The following RBM26 variants were observed in gnomAD, a reference collection of about 807,000 sequenced individuals.
RBM26 encodes the protein RNA binding motif protein 26.
In RBM26, 30 loss-of-function variants were observed where a neutral mutation model predicts 123.6. The ratio of observed to expected loss-of-function variants is 0.24; its 90% confidence interval spans 0.18 to 0.33. The LOEUF is 0.33. Among genes scored for constraint, RBM26 ranks in the 10% least tolerant of loss-of-function variants. The pLI is 1.00. For synonymous variants in RBM26, 400 were observed against 404.4 expected (o/e 0.99, Z 0.13); for missense variants, 947 against 1,203.6 (o/e 0.79, Z 3.15).
chr13:79,375,101 T>TATCATATATATAA (rs1555332838), intron 3 of RBM26, among the ~76,000 whole-genome samples: 4 of 137,752 alleles, frequency 2.9e-5, no homozygotes, highest in African/African-American at 1.1e-4. Context: ...TATATTTATA[T>TATCATATATATAA]ATATCATATA....
At position 79,372,901 on chromosome 13, in the gene RBM26, CTT is replaced by C. The variant is rs1417958942; in HGVS notation, c.328-973_328-972del. Among the ~76,000 whole-genome samples, 5 of 57,848 alleles carry C rather than the reference CTT, an allele frequency of 8.6e-5. No individual in the cohort carries two copies. In the East Asian group the frequency reaches 1.7e-3, roughly 20 times the overall value. 38.0% of individuals were successfully genotyped at this position (57,848 alleles called of 152,430 possible). On this transcript the variant is annotated intron_variant, in intron 3 of 21. Coordinates refer to ENST00000438737, the MANE Select transcript of RBM26 (RefSeq NM_001366735.2). The stretch of plus-strand genomic sequence containing the variant: ...ATTTTATATGCTATATAAAATATAT[CTT>C]ATATATTACATATTTTATATAATAT...
chr13:79,324,616 T>G (rs907743125), intron 20 of RBM26, among the ~76,000 whole-genome samples: 15 of 151,890 alleles, frequency 9.9e-5, no homozygotes, highest in African/African-American at 3.6e-4. Context: ...CATCAACAAG[T>G]TTTAAATTTT....
Position 79,322,799 on chromosome 13 carries a change from G to A in RBM26, c.2821-337C>T, listed in dbSNP as rs566311379. On this transcript the variant is annotated intron_variant, in intron 20 of 21. Transcript: ENST00000438737. ...ACATGTTTATAACACAATGACAACT[G>A]CTGTTTAAGATGACAATCCCAAGGT... 7.9e-4 allele frequency among the ~76,000 whole-genome samples: 120 copies of A among 151,464 alleles called. 2 individuals are homozygous for A. Among genetic ancestry groups the A allele is most frequent in the African/African-American group, 2.8e-3 (117 of 41,460 alleles).
intron 1 of RBM26, among the ~76,000 whole-genome samples, chr13:79,384,694 A>G (rs1264201156): frequency 6.6e-6 from 1 of 152,200 alleles, no homozygotes; most frequent in Non-Finnish European, 1.5e-5. Context: ...TACACACACT[A>G]AAGTTACAGA....
intron 1 of RBM26, among the ~76,000 whole-genome samples, chr13:79,394,445 C>T (rs1362793409): frequency 6.6e-6 from 1 of 152,086 alleles, no homozygotes; most frequent in African/African-American, 2.4e-5. Context: ...ATAAACGTTG[C>T]CCTCTGGAAT....
Position 79,366,634 on chromosome 13 carries a change from T to C in RBM26, c.1134A>G (p.Thr378=). The C allele has an allele frequency of 1.3e-6, 2 of 1,543,000 alleles. No homozygotes were observed. The highest frequency in any genetic ancestry group is 1.2e-5 in the South Asian group (1 of 80,008). Residue 378 remains threonine, a splice_region_variant and synonymous_variant, in exon 7 of 22, where the codon ACA becomes ACG. Coordinates refer to ENST00000438737, the MANE Select transcript of RBM26 (RefSeq NM_001366735.2). ...GPLPPSLPPV[T]GPPPPLPPLQ... Reference sequence around the variant, plus strand: ...AGGGAAACAAACAGATTTACTTACCTGTAACAGGTGGGAGACTGGGTGGCA... The same window carrying C: ...AGGGAAACAAACAGATTTACTTACCCGTAACAGGTGGGAGACTGGGTGGCA...
intron 6 of RBM26, among the ~76,000 whole-genome samples, chr13:79,367,570 T>C (rs115134283): frequency 0.02 from 2,973 of 151,952 alleles, 77 homozygotes; most frequent in African/African-American, 0.066. Context: ...GTTCGCCCTC[T>C]ATTAGTTCAC....
chr13:79,375,309 A>C (rs1337028664), intron 3 of RBM26, among the ~76,000 whole-genome samples: 1 of 150,880 alleles, frequency 6.6e-6, no homozygotes, highest in Non-Finnish European at 1.5e-5. Context: ...AGTAACTGGG[A>C]TTACAGGCAC....
chr13:79,393,115 T>TACTAG (rs2078244843), intron 1 of RBM26, among the ~76,000 whole-genome samples: 1 of 152,224 alleles, frequency 6.6e-6, no homozygotes, highest in Non-Finnish European at 1.5e-5. Context: ...ACCAAGGAAC[T>TACTAG]ACTAGCTTCC....
chr13:79,390,911 T>A (rs545697490), intron 1 of RBM26, among the ~76,000 whole-genome samples: 33 of 152,234 alleles, frequency 2.2e-4, no homozygotes, highest in Admixed American at 1.4e-3. Context: ...GTAAAAGATA[T>A]AGATCAATAT....
intron 9 of RBM26, among the ~76,000 whole-genome samples, chr13:79,360,343 T>C (rs2074530370): frequency 6.6e-6 from 1 of 152,078 alleles, no homozygotes; most frequent in Non-Finnish European, 1.5e-5. Flanking sequence ...TAAGGGTTTT[T>C]TCAAACTTAT....
intron 3 of RBM26, among the ~76,000 whole-genome samples, chr13:79,375,105 T>TATAAATATATATTTATATATAG (rs1491239133): frequency 7.8e-6 from 1 of 128,228 alleles, no homozygotes; most frequent in Non-Finnish European, 1.6e-5. Flanking sequence ...TTTATATATA[T>TATAAATATATATTTATATATAG]CATATAAATA....
At chr13:79,360,503 A>ATG (rs2074548689) in intron 9 of RBM26, among the ~76,000 whole-genome samples, 1 of 152,086 alleles carries the variant, frequency 6.6e-6, no homozygotes, top group South Asian at 2.1e-4. Flanking sequence ...ATATATATAT[A>ATG]TATCAATGCA....
intron 1 of RBM26, among the ~76,000 whole-genome samples, chr13:79,400,851 C>T (rs1293397464): frequency 5.9e-5 from 9 of 151,880 alleles, no homozygotes; most frequent in African/African-American, 1.9e-4. Flanking sequence ...TATATTACAA[C>T]GAAGAAATTC....
chr13:79,404,010 CA>C (rs2079286742), intron 1 of RBM26, among the ~76,000 whole-genome samples: 3 of 152,170 alleles, frequency 2.0e-5, no homozygotes, highest in African/African-American at 7.2e-5. Flanking sequence ...CCTACCTACA[CA>C]CTTTTTCTAT....
chr13:79,320,228 T>C lies in RBM26; in HGVS notation c.*393A>G. The C allele has an allele frequency of 2.1e-6, 2 of 961,418 alleles. No individual in the cohort carries two copies. Among genetic ancestry groups the C allele is most frequent in the Non-Finnish European group, 2.5e-6 (2 of 807,038 alleles). The allele number at this position is 961,418 out of a possible 1,614,324, so 59.6% of individuals were successfully genotyped here. The stretch of plus-strand genomic sequence containing the variant: ...GTTATCTATTCAGTTTTGAAAACAT[T>C]CATTAAGATTTTAAATGCAAATTCA... On this transcript the variant is annotated 3_prime_UTR_variant, in exon 22 of 22. Transcript: ENST00000438737.
At position 79,400,450 on chromosome 13, in the gene RBM26, T is replaced by C. The variant is rs147315700; in HGVS notation, c.71+5254A>G. 2.8e-3 allele frequency among the ~76,000 whole-genome samples: 432 copies of C among 152,298 alleles called. 4 individuals carry two copies. Among genetic ancestry groups the C allele is most frequent in the African/African-American group, 0.01 (416 of 41,542 alleles). ...GGCAGAGGCAAAACCTAACCTTTTA[T>C]AAAGGCATTAATCCAATCAACAAAG... On this transcript the variant is annotated intron_variant, in intron 1 of 21. Transcript: ENST00000438737.
intron 17 of RBM26, 34 bp from the exon 18 acceptor site, chr13:79,341,261 TA>T: frequency 7.5e-7 from 1 of 1,334,492 alleles, no homozygotes; most frequent in Middle Eastern, 1.8e-4. Context: ...TAGGTGACAG[TA>T]ATTACTATCC....
At chr13:79,373,244 G>A (rs1159036936) in intron 3 of RBM26, among the ~76,000 whole-genome samples, 34 of 100,490 alleles carry the variant, frequency 3.4e-4, no homozygotes, top group African/African-American at 1.4e-3. Flanking sequence ...GTTTATGTGT[G>A]TATGTATTTA....
Sources: allele counts gnomAD v4.1 joint callset (sites outside exome capture counted in the v4.1 genomes callset), GRCh38; gene constraint gnomAD v4.1.1; transcripts MANE v1.5; gene names NCBI Gene and HGNC (gene_info 2026-07-23, HGNC 2026-07-21).